The following MAP2K5 variants were observed in gnomAD, a reference collection of about 807,000 sequenced individuals.
The protein encoded by MAP2K5 is dual specificity mitogen-activated protein kinase kinase 5.
Under a neutral mutation model 83.1 loss-of-function variants are expected in MAP2K5, and 49 were observed. The ratio of observed to expected loss-of-function variants is 0.59; its 90% CI spans 0.47 to 0.75. The LOEUF is 0.75. MAP2K5 is among the 30% of genes least tolerant of loss of function. MAP2K5 has a pLI of 0.00. For synonymous variants in MAP2K5, 202 were observed against 191.8 expected, an observed-to-expected ratio of 1.05 and a Z score of -0.44; for missense variants, 457 against 557.5, an observed-to-expected ratio of 0.82 and a Z score of 1.82.
intron 6 of MAP2K5, among the ~76,000 whole-genome samples, chr15:67,589,861 C>T (rs2085361005): frequency 1.3e-5 from 2 of 151,378 alleles, no homozygotes; most frequent in Non-Finnish European, 2.9e-5. Flanking sequence ...CCTTAGAGGT[C>T]TGTATTTTAG....
At chr15:67,606,978 G>A (rs2085791437) in intron 8 of MAP2K5, among the ~76,000 whole-genome samples, 1 of 152,172 alleles carries the variant, frequency 6.6e-6, no homozygotes, top group Non-Finnish European at 1.5e-5. Flanking sequence ...TAAAGAGGGA[G>A]CAAGAGGTCT....
chr15:67,676,044 G>A lies in MAP2K5; in HGVS notation c.847+11399G>A, dbSNP rs139165411. ...GGGATTTGAAGCAGACTGTGTGATC[G>A]TTGTGTGTTTTGGCTCACCAGTCTC... On this transcript the variant is annotated intron_variant, in intron 13 of 21. Coordinates refer to ENST00000178640, the MANE Select transcript of MAP2K5 (RefSeq NM_145160.3). The surrounding 1 kb of genome is among the most constrained non-coding windows in gnomAD (Gnocchi z 4.8). Among the ~76,000 whole-genome samples the A allele has an allele frequency of 9.8e-5, 15 of 152,304 alleles. No homozygotes were observed. Among genetic ancestry groups the A allele is most frequent in the South Asian group, 2.1e-4 (1 of 4,822 alleles).
rs544320390 is a variant in MAP2K5, at chr15:67,573,379, G to A, written c.253-7375G>A. 5.3e-5 allele frequency among the ~76,000 whole-genome samples: 8 copies of A among 152,278 alleles called. No individual in the cohort carries two copies. The South Asian group carries it at 1.7e-3, about 32-fold the overall frequency. The stretch of plus-strand genomic sequence containing the variant: ...GAAGCAAGTACTTTCTTCACAGGGT[G>A]GCAGGAGAGACAGTTGGGTAGAGGG... On this transcript the variant is annotated intron_variant, in intron 3 of 21. Transcript: ENST00000178640. This position sits in a 1 kb window ranked among gnomAD's most constrained non-coding sequence, Gnocchi z 4.2.
Position 67,664,752 on chromosome 15 carries a change from A to G in MAP2K5, c.847+107A>G, listed in dbSNP as rs945099339. On this transcript the variant is annotated intron_variant, in intron 13 of 21. Transcript: ENST00000178640. ...TTCTGACATTTAAGCCAGCTGATAC[A>G]TCTGGTACTCAAAAAGATGGCTGCT... is the stretch of plus-strand genomic sequence containing the variant. 4.9e-5 allele frequency: 32 copies of G among 653,140 alleles called. No homozygotes were observed. The African/African-American group carries it at 5.7e-4, about 12-fold the overall frequency. The allele number at this position is 653,140 out of a possible 1,614,324, so 40.5% of individuals were successfully genotyped here. A position where few individuals can be genotyped will look rare whatever the true frequency, so the allele number is the denominator to read the frequency against.
chr15:67,628,691 G>A (rs1221374759), intron 8 of MAP2K5: 31 of 864,064 alleles, frequency 3.6e-5, no homozygotes, highest in Admixed American at 2.2e-4. Flanking sequence ...TGGCCACAAC[G>A]GTGAAGTTAG....
At chr15:67,666,781 T>C (rs1027470641) in intron 13 of MAP2K5, among the ~76,000 whole-genome samples, 1 of 152,090 alleles carries the variant, frequency 6.6e-6, no homozygotes, top group Non-Finnish European at 1.5e-5. Flanking sequence ...GAAGAAGATA[T>C]CTGTTGGGGA....
intron 1 of MAP2K5, chr15:67,549,325 G>A: frequency 2.3e-6 from 2 of 864,006 alleles, no homozygotes; most frequent in Non-Finnish European, 3.6e-6. Context: ...TTAGATTTTT[G>A]TTGTAGGCTA....
intron 13 of MAP2K5, among the ~76,000 whole-genome samples, chr15:67,678,358 G>T (rs1325443058): frequency 2.0e-5 from 3 of 152,038 alleles, no homozygotes; most frequent in Non-Finnish European, 4.4e-5. Flanking sequence ...TTTATAGGGG[G>T]AAAAAGTTGA....
chr15:67,550,958 G>A (rs569358075), intron 2 of MAP2K5, among the ~76,000 whole-genome samples: 31 of 152,120 alleles, frequency 2.0e-4, no homozygotes, highest in African/African-American at 7.2e-4. Context: ...TTTTAGTAGA[G>A]ACAGGGTTTT....
At chr15:67,632,097 ATTTTTT>A (rs35811067) in intron 9 of MAP2K5, among the ~76,000 whole-genome samples, 1 of 140,842 alleles carries the variant, frequency 7.1e-6, no homozygotes, top group African/African-American at 2.6e-5. Flanking sequence ...ATTATGCTAG[ATTTTTT>A]TTTTTTTTTT....
At chr15:67,733,452 A>G (rs959495785) in intron 17 of MAP2K5, among the ~76,000 whole-genome samples, 4 of 152,242 alleles carry the variant, frequency 2.6e-5, no homozygotes, top group African/African-American at 9.6e-5. Flanking sequence ...TTAAAAACAC[A>G]TAAGAATGGC....
intron 11 of MAP2K5, among the ~76,000 whole-genome samples, chr15:67,657,942 T>C (rs2141139937): frequency 6.6e-6 from 1 of 152,220 alleles, no homozygotes; most frequent in South Asian, 2.1e-4. Context: ...CATCCAGTAA[T>C]AAAGCATTAA....
chr15:67,637,130 T>C lies in MAP2K5; in HGVS notation c.585+6203T>C, dbSNP rs1340238968. Among the ~76,000 whole-genome samples the C allele has an allele frequency of 6.6e-6, 1 of 152,196 alleles. No individual in the cohort carries two copies. The highest frequency in any genetic ancestry group is 2.4e-5 in the African/African-American group (1 of 41,456). On this transcript the variant is annotated intron_variant, in intron 9 of 21. Transcript: ENST00000178640. This position sits in a 1 kb window ranked among gnomAD's most constrained non-coding sequence, Gnocchi z 4.5. ...TTCAGCTACAGACTGAAGGCTGCAC[T>C]GTTGGCTTCCCTACTTTTGAGGTTT...
intron 19 of MAP2K5, among the ~76,000 whole-genome samples, chr15:67,762,921 G>T (rs1288900942): frequency 1.3e-5 from 2 of 152,152 alleles, no homozygotes; most frequent in Non-Finnish European, 2.9e-5. Context: ...AGTTAAATGA[G>T]CTGCTACTGT....
chr15:67,730,723 G>A (rs1177953078), intron 17 of MAP2K5, among the ~76,000 whole-genome samples: 1 of 152,136 alleles, frequency 6.6e-6, no homozygotes, highest in Non-Finnish European at 1.5e-5. Flanking sequence ...ATTGTTCCTA[G>A]GACTAGGGAC....
Position 67,755,169 on chromosome 15 carries a change from G to A in MAP2K5, c.1134+6568G>A, listed in dbSNP as rs986979795. 1.3e-5 allele frequency among the ~76,000 whole-genome samples: 2 copies of A among 152,042 alleles called. No homozygotes were observed. The highest frequency in any genetic ancestry group is 4.8e-5 in the African/African-American group (2 of 41,376). ...TTTTTGTGTGTTTTTAGTAGAGATG[G>A]GGTTTCACCATGTTGGCCAGGCTGG... On this transcript the variant is annotated intron_variant, in intron 19 of 21. Coordinates refer to ENST00000178640, the MANE Select transcript of MAP2K5 (RefSeq NM_145160.3). This position sits in a 1 kb window ranked among gnomAD's most constrained non-coding sequence, Gnocchi z 4.7.
intron 15 of MAP2K5, among the ~76,000 whole-genome samples, chr15:67,697,402 A>G (rs2088293491): frequency 6.6e-6 from 1 of 152,220 alleles, no homozygotes; most frequent in African/African-American, 2.4e-5. Context: ...AAGCTAAGTG[A>G]CTTACCCAAG....
rs1234264761 is a variant in MAP2K5 at position 67,775,222 on chromosome 15, T to C, written c.1242+2470T>C. 3.3e-5 allele frequency among the ~76,000 whole-genome samples: 5 copies of C among 152,270 alleles called. No homozygotes were observed. Among genetic ancestry groups the C allele is most frequent in the Non-Finnish European group, 5.9e-5 (4 of 68,046 alleles). On this transcript the variant is annotated intron_variant, in intron 21 of 21. Coordinates refer to ENST00000178640, the MANE Select transcript of MAP2K5 (RefSeq NM_145160.3). This position sits in a 1 kb window ranked among gnomAD's most constrained non-coding sequence, Gnocchi z 5.3. ...TAATGTAAAACTCAATGTTAGACTT[T>C]GGAGACCATTAAAATATCAGTGTTA...
intron 8 of MAP2K5, among the ~76,000 whole-genome samples, chr15:67,614,957 T>C (rs1045047036): frequency 1.3e-5 from 2 of 152,132 alleles, no homozygotes; most frequent in Non-Finnish European, 2.9e-5. Context: ...TCATAACATA[T>C]TTGACTTGAG....
Sources: allele counts gnomAD v4.1 joint callset (sites outside exome capture counted in the v4.1 genomes callset), GRCh38; gene constraint gnomAD v4.1.1; non-coding constraint Gnocchi (gnomAD v3.1); transcripts MANE v1.5; gene names NCBI Gene and HGNC (gene_info 2026-07-23, HGNC 2026-07-21).